MARCHF6: variants seen among roughly 807,000 people sequenced by gnomAD.
The protein encoded by MARCHF6 is membrane associated ring-CH-type finger 6.
A neutral mutation model predicts 133.7 loss-of-function variants in MARCHF6; 31 were observed. The ratio of observed to expected loss-of-function variants is 0.23; its 90% CI spans 0.17 to 0.31. The LOEUF (loss-of-function observed/expected upper bound fraction) is 0.31, where lower values mean the gene tolerates loss of function less well. MARCHF6 is among the 10% of genes least tolerant of loss of function. The pLI is 1.00. For missense variants in MARCHF6, 723 were observed against 1,121.6 expected, an observed-to-expected ratio of 0.64 and a Z score of 5.08; for synonymous variants, 395 against 402.5, an observed-to-expected ratio of 0.98 and a Z score of 0.22.
intron 7 of MARCHF6, 31 bp downstream of exon 7, chr5:10,391,762 A>G: frequency 6.8e-7 from 1 of 1,473,948 alleles, no homozygotes; most frequent in South Asian, 1.4e-5. Flanking sequence ...CTCACTCTTC[A>G]GCACTGCAAA....
chr5:10,401,015 G>C, intron 11 of MARCHF6, 173 bp downstream of exon 11: 1 of 553,900 alleles, frequency 1.8e-6, no homozygotes, highest in Non-Finnish European at 3.2e-6. Context: ...TCAAGAGATA[G>C]TGGTCATGTT....
At chr5:10,370,704 G>C (rs544848995) in intron 1 of MARCHF6, among the ~76,000 whole-genome samples, 1 of 151,286 alleles carries the variant, frequency 6.6e-6, no homozygotes, top group South Asian at 2.1e-4. Context: ...TTACTGTTGA[G>C]ACCTTGATTA....
Position 10,434,271 on chromosome 5 carries a change from CA to C in MARCHF6, c.*590del, listed in dbSNP as rs1436741948. ...TTGTGGAAGTTATTTTGTATAACAC[CA>C]AAGCTGTTGTACATTTCCTACTGCC... On this transcript the variant is annotated 3_prime_UTR_variant, in exon 26 of 26. Transcript: ENST00000274140. The C allele has an allele frequency of 6.5e-6, 1 of 153,100 alleles. No individual in the cohort carries two copies. The highest frequency in any genetic ancestry group is 1.5e-5 in the Non-Finnish European group (1 of 68,506). The allele number at this position is 153,100 out of a possible 1,614,324, so 9.5% of individuals were successfully genotyped here. A position where few individuals can be genotyped will look rare whatever the true frequency, so the allele number is the denominator to read the frequency against.
At chr5:10,431,659 A>ATG (rs377110111) in intron 25 of MARCHF6, among the ~76,000 whole-genome samples, 1 of 149,274 alleles carries the variant, frequency 6.7e-6, no homozygotes, top group Non-Finnish European at 1.5e-5. Context: ...GTGAGAGTGT[A>ATG]TGTGTGTGTG....
intron 1 of MARCHF6, among the ~76,000 whole-genome samples, chr5:10,367,522 T>A (rs1561099639): frequency 6.6e-6 from 1 of 152,222 alleles, no homozygotes; most frequent in Non-Finnish European, 1.5e-5. Flanking sequence ...TTTTGAAGTC[T>A]TACATCAAAG....
intron 1 of MARCHF6, among the ~76,000 whole-genome samples, chr5:10,359,581 T>C (rs1735686723): frequency 1.3e-5 from 2 of 152,164 alleles, no homozygotes; most frequent in African/African-American, 4.8e-5. Context: ...GTTGTGAATT[T>C]CCAAAAAATT....
rs1740747027 is a variant in MARCHF6 at position 10,438,875 on chromosome 5, G to A, written c.*5191G>A. 2 of 152,224 alleles carry A rather than the reference G, an allele frequency of 1.3e-5. No homozygotes were observed. The highest frequency in any genetic ancestry group is 2.1e-4 in the South Asian group (1 of 4,832). 9.4% of individuals were successfully genotyped at this position (152,224 alleles called of 1,614,324 possible). A position where few individuals can be genotyped will look rare whatever the true frequency, so the allele number is the denominator to read the frequency against. On this transcript the variant is annotated 3_prime_UTR_variant, in exon 26 of 26. Transcript: ENST00000274140. ...TACTCTTTCAGCCTTCTGCAATCTA[G>A]TTCTACTTAGTCACACACTTCTCTA... is the stretch of plus-strand genomic sequence containing the variant.
At chr5:10,416,398 TC>T (rs1739516277) in intron 21 of MARCHF6, among the ~76,000 whole-genome samples, 1 of 152,254 alleles carries the variant, frequency 6.6e-6, no homozygotes, top group Non-Finnish European at 1.5e-5. Flanking sequence ...AAATATAAAA[TC>T]CATTTTTATA....
intron 5 of MARCHF6, among the ~76,000 whole-genome samples, chr5:10,388,877 TAACA>T (rs1301507731): frequency 2.0e-5 from 3 of 152,190 alleles, no homozygotes; most frequent in African/African-American, 7.2e-5. Flanking sequence ...TTAAAATCTG[TAACA>T]AACAGTTAGG....
intron 1 of MARCHF6, among the ~76,000 whole-genome samples, chr5:10,369,614 C>G (rs912857265): frequency 1.2e-4 from 1 of 8,366 alleles, no homozygotes; most frequent in African/African-American, 2.9e-4. Context: ...CCCCCCCCCC[C>G]CCTTGCAAAT....
chr5:10,410,938 T>C (rs952241908), intron 18 of MARCHF6, among the ~76,000 whole-genome samples: 4 of 152,228 alleles, frequency 2.6e-5, no homozygotes, highest in African/African-American at 9.6e-5. Context: ...AGTTTTTCTT[T>C]TCCTCCTGTA....
At chr5:10,424,148 G>T (rs770227294) in intron 23 of MARCHF6, among the ~76,000 whole-genome samples, 1 of 152,078 alleles carries the variant, frequency 6.6e-6, no homozygotes, top group Non-Finnish European at 1.5e-5. Flanking sequence ...TTTCAAAGAG[G>T]TGGCTTTGAA....
At chr5:10,366,955 C>T (rs1736174312) in intron 1 of MARCHF6, among the ~76,000 whole-genome samples, 1 of 152,160 alleles carries the variant, frequency 6.6e-6, no homozygotes, top group Non-Finnish European at 1.5e-5. Context: ...GTCTTTCGGC[C>T]TCCAACAGTT....
Position 10,425,912 on chromosome 5 carries a change from C to T in MARCHF6, c.2374-478C>T, listed in dbSNP as rs561290183. The stretch of plus-strand genomic sequence containing the variant: ...TTCTTTCATACTAAATTTTTAAATA[C>T]CTTTTGATTTGTTAAAATTTGATTT... On this transcript the variant is annotated intron_variant, in intron 23 of 25. Coordinates refer to ENST00000274140, the MANE Select transcript of MARCHF6 (RefSeq NM_005885.4). Among the ~76,000 whole-genome samples the T allele has an allele frequency of 1.1e-4, 16 of 152,202 alleles. No homozygotes were observed. In the South Asian group the frequency reaches 1.2e-3, roughly 12 times the overall value.
chr5:10,408,714 T>C (rs145385940), intron 17 of MARCHF6, among the ~76,000 whole-genome samples: 1 of 152,058 alleles, frequency 6.6e-6, no homozygotes, highest in South Asian at 2.1e-4. Context: ...AATTTTTGTA[T>C]TTTTTGGGGA....
intron 18 of MARCHF6, 82 bp downstream of exon 18, chr5:10,410,358 G>A: frequency 6.8e-7 from 1 of 1,466,554 alleles, no homozygotes; most frequent in East Asian, 2.4e-5. Flanking sequence ...TATGTTCCAT[G>A]GCCCACTCAA....
intron 5 of MARCHF6, among the ~76,000 whole-genome samples, chr5:10,390,073 T>A (rs1316795361): frequency 6.6e-6 from 1 of 152,196 alleles, no homozygotes; most frequent in Non-Finnish European, 1.5e-5. Flanking sequence ...TTCCATATAG[T>A]TCTGATGGTA....
intron 19 of MARCHF6, chr5:10,413,421 C>G (rs963517608): frequency 2.0e-5 from 3 of 152,350 alleles, no homozygotes; most frequent in African/African-American, 7.2e-5. Flanking sequence ...CACCAGAGCT[C>G]TGCCCTCTGG....
intron 16 of MARCHF6, among the ~76,000 whole-genome samples, chr5:10,406,138 C>G (rs1207243448): frequency 6.6e-6 from 1 of 152,146 alleles, no homozygotes; most frequent in Non-Finnish European, 1.5e-5. Flanking sequence ...AATCTAATGC[C>G]TGATGATCTG....
Sources: allele counts gnomAD v4.1 joint callset (sites outside exome capture counted in the v4.1 genomes callset), GRCh38; gene constraint gnomAD v4.1.1; transcripts MANE v1.5; gene names NCBI Gene and HGNC (gene_info 2026-07-23, HGNC 2026-07-21).